PLXDC2: variants seen among roughly 807,000 people sequenced by gnomAD.
PLXDC2 encodes the protein plexin domain containing 2.
Under a neutral mutation model 68.9 loss-of-function variants are expected in PLXDC2, and 40 were observed. The ratio of observed to expected loss-of-function variants is 0.58; its 90% CI spans 0.45 to 0.76. PLXDC2 has a LOEUF of 0.76. Among genes scored for constraint, PLXDC2 ranks in the 30% least tolerant of loss-of-function variants. The pLI is 0.00. For synonymous variants in PLXDC2, 243 were observed against 234.2 expected (o/e 1.04, Z -0.34); for missense variants, 644 against 661.9 (o/e 0.97, Z 0.30).
At chr10:20,113,301 T>C (rs916523706) in intron 4 of PLXDC2, among the ~76,000 whole-genome samples, 1 of 152,220 alleles carries the variant, frequency 6.6e-6, no homozygotes, top group Non-Finnish European at 1.5e-5. Context: ...TTGCCAAGAT[T>C]GGGTTAACTT....
At chr10:19,997,900 A>G (rs898476082) in intron 1 of PLXDC2, among the ~76,000 whole-genome samples, 2 of 152,226 alleles carry the variant, frequency 1.3e-5, no homozygotes, top group Admixed American at 6.5e-5. Flanking sequence ...GTTAAGATCA[A>G]TGTATATATT....
At chr10:19,917,385 A>G (rs1485360783) in intron 1 of PLXDC2, among the ~76,000 whole-genome samples, 3 of 152,160 alleles carry the variant, frequency 2.0e-5, no homozygotes, top group Admixed American at 6.6e-5. Context: ...ATTTTCCATG[A>G]TACTTCAAAT....
At chr10:20,175,662 T>C (rs1417239991) in intron 7 of PLXDC2, among the ~76,000 whole-genome samples, 1 of 152,062 alleles carries the variant, frequency 6.6e-6, no homozygotes, top group Admixed American at 6.6e-5. Context: ...GACCCCATTT[T>C]TACAAAAAAT....
At chr10:20,022,685 C>G (rs1191929574) in intron 2 of PLXDC2, among the ~76,000 whole-genome samples, 1 of 152,074 alleles carries the variant, frequency 6.6e-6, no homozygotes, top group African/African-American at 2.4e-5. Context: ...CGATAGCCTC[C>G]TCGCCTCCTG....
At chr10:20,127,342 A>T (rs2131772179) in intron 4 of PLXDC2, among the ~76,000 whole-genome samples, 1 of 152,330 alleles carries the variant, frequency 6.6e-6, no homozygotes, top group African/African-American at 2.4e-5. Flanking sequence ...AGAACTGTGT[A>T]AACAATCATG....
chr10:20,022,229 A>T (rs1056010950), intron 2 of PLXDC2, among the ~76,000 whole-genome samples: 1 of 152,226 alleles, frequency 6.6e-6, no homozygotes, highest in Non-Finnish European at 1.5e-5. Context: ...TTCATTCAAC[A>T]GCTCTTTCAT....
rs577761990 is a variant in PLXDC2, at chr10:20,236,197, T to G, written c.1313-9148T>G. Among the ~76,000 whole-genome samples, 3 of 152,242 alleles carry G rather than the reference T, an allele frequency of 2.0e-5. No homozygotes were observed. In the South Asian group the frequency reaches 6.2e-4, roughly 32 times the overall value. On this transcript the variant is annotated intron_variant, in intron 12 of 13. Coordinates refer to ENST00000377252, the MANE Select transcript of PLXDC2 (RefSeq NM_032812.9). ...CGACTCACACCTGTAATTCCAGCACTTTGGGAGGCTGAGGCAGGTGGATCA... is the reference window on the plus strand; with the variant it reads ...CGACTCACACCTGTAATTCCAGCACGTTGGGAGGCTGAGGCAGGTGGATCA...
chr10:20,162,062 GAGAGAGAGAGAAGGAA>G (rs1834302506), intron 6 of PLXDC2, among the ~76,000 whole-genome samples: 1 of 72,810 alleles, frequency 1.4e-5, no homozygotes, highest in Non-Finnish European at 3.0e-5. Context: ...GAGAGAGAGA[GAGAGAGAGAGAAGGAA>G]GGAAGGAAGG....
At chr10:19,974,602 A>G (rs1210513492) in intron 1 of PLXDC2, among the ~76,000 whole-genome samples, 1 of 152,226 alleles carries the variant, frequency 6.6e-6, no homozygotes, top group East Asian at 1.9e-4. Flanking sequence ...ACAGATGAGT[A>G]TACAATTAGG....
chr10:19,935,076 G>A (rs1444206057), intron 1 of PLXDC2, among the ~76,000 whole-genome samples: 1 of 152,168 alleles, frequency 6.6e-6, no homozygotes, highest in African/African-American at 2.4e-5. Context: ...TCATTGTTCT[G>A]CTCATCAAAT....
intron 1 of PLXDC2, among the ~76,000 whole-genome samples, chr10:19,890,661 C>G (rs1837941532): frequency 7.2e-6 from 1 of 139,760 alleles, no homozygotes; most frequent in East Asian, 2.2e-4. Context: ...AGGCGTGAGC[C>G]ACCGCGCCCG....
intron 1 of PLXDC2, among the ~76,000 whole-genome samples, chr10:19,931,378 C>G (rs1833630709): frequency 1.3e-5 from 2 of 152,180 alleles, no homozygotes; most frequent in Non-Finnish European, 2.9e-5. Flanking sequence ...AATGACCGTC[C>G]TTAAGCTTCA....
chr10:20,229,957 A>G (rs976491595), intron 12 of PLXDC2, among the ~76,000 whole-genome samples: 5 of 152,220 alleles, frequency 3.3e-5, no homozygotes, highest in Admixed American at 1.3e-4. Context: ...ACAGCTCAAA[A>G]TTCATTGGAG....
chr10:19,838,793 G>GT (rs1836848590), intron 1 of PLXDC2, among the ~76,000 whole-genome samples: 1 of 152,176 alleles, frequency 6.6e-6, no homozygotes, highest in Admixed American at 6.5e-5. Flanking sequence ...TAGAAAAGTG[G>GT]TGACACATGC....
chr10:19,871,946 A>G (rs1837546824), intron 1 of PLXDC2, among the ~76,000 whole-genome samples: 1 of 151,662 alleles, frequency 6.6e-6, no homozygotes. Context: ...CCTTAAGTGT[A>G]ACCCTATAAA....
At chr10:20,097,718 A>G (rs867658768) in intron 4 of PLXDC2, among the ~76,000 whole-genome samples, 5 of 152,154 alleles carry the variant, frequency 3.3e-5, no homozygotes, top group Admixed American at 2.6e-4. Context: ...GAAATTTGTT[A>G]TAGGTGCCTG....
chr10:20,194,190 CTGTGTGTGTGTG>C (rs58142621), intron 9 of PLXDC2, among the ~76,000 whole-genome samples: 24 of 143,646 alleles, frequency 1.7e-4, no homozygotes, highest in Non-Finnish European at 2.7e-4. Context: ...TTGAACTCAG[CTGTGTGTGTGTG>C]TGTGTGTGTG....
intron 2 of PLXDC2, among the ~76,000 whole-genome samples, chr10:20,002,211 G>C (rs982588610): frequency 3.3e-5 from 5 of 151,562 alleles, no homozygotes; most frequent in African/African-American, 1.2e-4. Flanking sequence ...ACAGTGAGCA[G>C]TGAGGCATCA....
chr10:19,846,207 G>C (rs934407845), intron 1 of PLXDC2, among the ~76,000 whole-genome samples: 1 of 152,146 alleles, frequency 6.6e-6, no homozygotes, highest in African/African-American at 2.4e-5. Context: ...CTGTGCCAAA[G>C]GTGAGTAATT....
Sources: allele counts gnomAD v4.1 joint callset (sites outside exome capture counted in the v4.1 genomes callset), GRCh38; gene constraint gnomAD v4.1.1; transcripts MANE v1.5; gene names NCBI Gene and HGNC (gene_info 2026-07-23, HGNC 2026-07-21).